ADGRF1: variants seen among roughly 807,000 people sequenced by gnomAD.
ADGRF1 encodes the protein G protein-coupled receptor 110.
ADGRF1 carries 85 observed loss-of-function variants against 87.2 expected under a neutral mutation model. That is an observed-to-expected ratio of 0.97 (90% CI 0.82 to 1.17). The LOEUF is 1.17. Among genes scored for constraint, ADGRF1 ranks in the 50% most tolerant of loss-of-function variants. ADGRF1 has a pLI of 0.00. For synonymous variants in ADGRF1, 430 were observed against 408.8 expected (o/e 1.05, Z -0.63); for missense variants, 1,169 against 1,077.2 (o/e 1.09, Z -1.19).
chr6:47,019,686 A>G, intron 7 of ADGRF1: 1 of 592,686 alleles, frequency 1.7e-6, no homozygotes, highest in Non-Finnish European at 2.1e-6. Flanking sequence ...TCCATCTCAA[A>G]AAAAAAAAAA....
intron 1 of ADGRF1, among the ~76,000 whole-genome samples, chr6:47,035,156 T>C (rs1780551253): frequency 6.6e-6 from 1 of 152,200 alleles, no homozygotes. Flanking sequence ...TTCCAAACCC[T>C]TGTAACTGAA....
At chr6:47,040,630 C>T (rs965197487) in intron 1 of ADGRF1, among the ~76,000 whole-genome samples, 2 of 152,172 alleles carry the variant, frequency 1.3e-5, no homozygotes, top group Non-Finnish European at 2.9e-5. Flanking sequence ...GCCACTCCCC[C>T]ACTTTCTGAC....
At chr6:47,032,818 G>C (rs1438244482) in intron 1 of ADGRF1, among the ~76,000 whole-genome samples, 1 of 152,082 alleles carries the variant, frequency 6.6e-6, no homozygotes. Flanking sequence ...GAGTGCACTT[G>C]GGTTAACTGA....
intron 1 of ADGRF1, among the ~76,000 whole-genome samples, chr6:47,039,905 T>C (rs1780689103): frequency 6.6e-6 from 1 of 151,822 alleles, no homozygotes; most frequent in African/African-American, 2.4e-5. Context: ...GAGGTTGAGG[T>C]GAGCCGGGAT....
intron 1 of ADGRF1, among the ~76,000 whole-genome samples, chr6:47,032,686 G>A (rs1780464320): frequency 6.6e-6 from 1 of 152,198 alleles, no homozygotes; most frequent in East Asian, 1.9e-4. Flanking sequence ...TTAATTCACA[G>A]GTTCTTAGGA....
intron 7 of ADGRF1, chr6:47,019,259 T>C: frequency 1.1e-6 from 1 of 942,334 alleles, no homozygotes; most frequent in Admixed American, 6.2e-5. Context: ...GAAAGTATGA[T>C]CAACTGTATA....
chr6:47,034,397 A>C (rs568479108), intron 1 of ADGRF1, among the ~76,000 whole-genome samples: 12 of 152,286 alleles, frequency 7.9e-5, no homozygotes, highest in African/African-American at 2.9e-4. Flanking sequence ...TTTTGAGATG[A>C]GCTAAGAACC....
At chr6:47,014,137 C>A (rs1779789490) in intron 9 of ADGRF1, 1 of 372,992 alleles carries the variant, frequency 2.7e-6, no homozygotes, top group Non-Finnish European at 3.7e-6. Flanking sequence ...ACTATTGCTA[C>A]CAGAGGAACT....
intron 13 of ADGRF1, among the ~76,000 whole-genome samples, chr6:47,002,384 A>G (rs546854604): frequency 2.8e-5 from 4 of 144,854 alleles, no homozygotes; most frequent in South Asian, 4.3e-4. Flanking sequence ...CTGAGTTCTG[A>G]AAAAAAAAAG....
In ADGRF1 at chr6:47,024,342, T is replaced by G. The variant is rs985633864; in HGVS notation, c.278-125A>C. On this transcript the variant is annotated intron_variant, in intron 4 of 14. Transcript: ENST00000371253. ...CTTCCTACATCTTCTATGAGTTTTG[T>G]TTTGTTTTGTTGCCTAGGCTAGAAT... 1.5e-5 allele frequency: 11 copies of G among 725,800 alleles called. No homozygotes were observed. The African/African-American group carries it at 2.0e-4, about 13-fold the overall frequency. 45.0% of individuals were successfully genotyped at this position (725,800 alleles called of 1,614,324 possible).
chr6:47,024,445 G>T, intron 4 of ADGRF1: 1 of 439,090 alleles, frequency 2.3e-6, no homozygotes, highest in East Asian at 3.9e-5. Context: ...CACCTGAGTA[G>T]CTGGGATTAC....
chr6:47,017,703 A>C (rs1424149304), intron 7 of ADGRF1: 2 of 152,288 alleles, frequency 1.3e-5, no homozygotes, highest in African/African-American at 2.4e-5. Flanking sequence ...AAAAAAAAAA[A>C]AAAACTGGAT....
chr6:47,036,805 A>G (rs1780600906), intron 1 of ADGRF1, among the ~76,000 whole-genome samples: 1 of 152,210 alleles, frequency 6.6e-6, no homozygotes, highest in South Asian at 2.1e-4. Context: ...GAACTAGTTG[A>G]CTGGCATTCC....
Position 47,010,076 on chromosome 6 carries a change from G to GGGAC in ADGRF1, c.1355_1358dup (p.Gln454SerfsTer65). 1 of 1,614,064 alleles carries GGGAC rather than the reference G, an allele frequency of 6.2e-7. No individual in the cohort carries two copies. The stretch of plus-strand genomic sequence containing the variant: ...CTCTGATGGGAATAGATGTATTTTG[G>GGGAC]GGACACATTTTAATCTGATAGCTGT... On this transcript the variant is annotated frameshift_variant, in exon 11 of 15. Coordinates refer to ENST00000371253, the MANE Select transcript of ADGRF1 (RefSeq NM_153840.4). LOFTEE classifies it high-confidence loss of function.
At position 47,029,066 on chromosome 6, in the gene ADGRF1, C is replaced by T. The variant is rs1357558412; in HGVS notation, c.-5G>A. ...CCACAGCACTCCAACTTTCATTTTC[C>T]CTGGACTGAACAGCAGCAGTCGGGT... On this transcript the variant is annotated 5_prime_UTR_variant, in exon 2 of 15. Coordinates refer to ENST00000371253, the MANE Select transcript of ADGRF1 (RefSeq NM_153840.4). 6.2e-7 allele frequency: 1 copy of T among 1,613,720 alleles called. No homozygotes were observed. Among genetic ancestry groups the T allele is most frequent in the East Asian group, 2.2e-5 (1 of 44,876 alleles).
intron 12 of ADGRF1, 47 bp downstream of exon 12, chr6:47,007,206 C>T: frequency 8.3e-7 from 1 of 1,211,276 alleles, no homozygotes; most frequent in African/African-American, 1.5e-5. Context: ...GGGAGGGGGC[C>T]TAAGATGTCT....
chr6:47,001,732 C>T lies in ADGRF1; in HGVS notation c.2593-165G>A, dbSNP rs1582132208. 4 of 575,318 alleles carry T rather than the reference C, an allele frequency of 7.0e-6. No individual in the cohort carries two copies. The East Asian group carries it at 1.2e-4, about 18-fold the overall frequency. The allele number at this position is 575,318 out of a possible 1,614,324, so 35.6% of individuals were successfully genotyped here. On this transcript the variant is annotated intron_variant, in intron 13 of 14. Transcript: ENST00000371253. Reference sequence around the variant, plus strand: ...GGTTACTTTCTCACTCTTTCTTCTGCTTTAATCTATTTAAAATGCCTAAAA... The same window carrying T: ...GGTTACTTTCTCACTCTTTCTTCTGTTTTAATCTATTTAAAATGCCTAAAA...
At chr6:47,025,759 G>A (rs1477500215) in intron 4 of ADGRF1, 95 bp downstream of exon 4, 12 of 1,078,912 alleles carry the variant, frequency 1.1e-5, no homozygotes, top group Non-Finnish European at 1.6e-5. Flanking sequence ...CACAGAGATT[G>A]TAGGGATGAT....
At chr6:47,020,437 A>G in intron 7 of ADGRF1, 1 of 1,088,958 alleles carries the variant, frequency 9.2e-7, no homozygotes. Flanking sequence ...CAGAGGTTGC[A>G]GGGTTGCAGT....
Sources: allele counts gnomAD v4.1 joint callset (sites outside exome capture counted in the v4.1 genomes callset), GRCh38; gene constraint gnomAD v4.1.1; transcripts MANE v1.5; gene names NCBI Gene and HGNC (gene_info 2026-07-23, HGNC 2026-07-21).